STXBP5L: variants seen among roughly 807,000 people sequenced by gnomAD.
The protein encoded by STXBP5L is syntaxin-binding protein 5-like.
A neutral mutation model predicts 144.5 loss-of-function variants in STXBP5L; 65 were observed. That is an observed-to-expected ratio of 0.45 (90% CI 0.37 to 0.55). STXBP5L has a LOEUF of 0.55. STXBP5L is among the 20% of genes least tolerant of loss of function. The probability of loss-of-function intolerance (pLI) is 0.00; values close to 1 mark genes in which losing one functional copy is unlikely to be tolerated. For missense variants in STXBP5L, 1,298 were observed against 1,405.5 expected, an observed-to-expected ratio of 0.92 and a Z score of 1.22; for synonymous variants, 505 against 469.6, an observed-to-expected ratio of 1.08 and a Z score of -0.97.
At chr3:121,412,777 A>C (rs1235330687) in intron 23 of STXBP5L, among the ~76,000 whole-genome samples, 2 of 150,310 alleles carry the variant, frequency 1.3e-5, no homozygotes, top group Non-Finnish European at 3.0e-5. Context: ...AAGAAAGTCT[A>C]GTTTATTACC....
At chr3:120,998,530 CT>C (rs2108022195) in intron 3 of STXBP5L, among the ~76,000 whole-genome samples, 1 of 152,244 alleles carries the variant, frequency 6.6e-6, no homozygotes, top group African/African-American at 2.4e-5. Flanking sequence ...TATCCCTCCC[CT>C]AGCTGACCAT....
intron 2 of STXBP5L, among the ~76,000 whole-genome samples, chr3:120,935,673 A>G (rs1202122077): frequency 6.6e-6 from 1 of 152,058 alleles, no homozygotes; most frequent in African/African-American, 2.4e-5. Flanking sequence ...TTCTTTCAAC[A>G]CTTTAAACAT....
rs574074916 is a variant in STXBP5L at position 121,348,751 on chromosome 3, GT to G, written c.2177-29962del. 1.0e-3 allele frequency among the ~76,000 whole-genome samples: 154 copies of G among 152,198 alleles called. 2 individuals carry two copies. The highest frequency in any genetic ancestry group is 3.6e-3 in the African/African-American group (148 of 41,500). On this transcript the variant is annotated intron_variant, in intron 20 of 26. Transcript: ENST00000471454. ...TTTTGTAGTTTATTTGCTTAGAGGT[GT>G]TTATGGTATTCTCTGATGGTAGTTT...
intron 2 of STXBP5L, among the ~76,000 whole-genome samples, chr3:120,923,604 TCAAGAG>T (rs1434034037): frequency 2.0e-5 from 3 of 152,162 alleles, no homozygotes; most frequent in Non-Finnish European, 4.4e-5. Flanking sequence ...CATTTGTCAT[TCAAGAG>T]CATGTTGTTT....
chr3:121,299,085 C>T (rs1038106943), intron 19 of STXBP5L, among the ~76,000 whole-genome samples: 11 of 152,084 alleles, frequency 7.2e-5, no homozygotes, highest in Non-Finnish European at 1.6e-4. Flanking sequence ...TAAAAATCAA[C>T]ATGGAAGGAT....
rs537076255 is a variant in STXBP5L, at chr3:121,121,144, G to A, written c.606-497G>A. On this transcript the variant is annotated intron_variant, in intron 6 of 26. Transcript: ENST00000471454. ...CAATTTGTTGTTTTTCTGTAAAAGC[G>A]TTATCACTAGAGTAGATTTATTTTT... 5.9e-5 allele frequency among the ~76,000 whole-genome samples: 9 copies of A among 151,286 alleles called. No homozygotes were observed. The East Asian group carries it at 1.5e-3, about 26-fold the overall frequency.
At chr3:121,309,528 CA>C (rs1292591505) in intron 19 of STXBP5L, among the ~76,000 whole-genome samples, 1 of 151,778 alleles carries the variant, frequency 6.6e-6, no homozygotes, top group Non-Finnish European at 1.5e-5. Flanking sequence ...AAGAGAAAGT[CA>C]ATAATAATTG....
intron 20 of STXBP5L, among the ~76,000 whole-genome samples, chr3:121,372,829 AAATT>A (rs2046073082): frequency 6.6e-6 from 1 of 152,116 alleles, no homozygotes; most frequent in Non-Finnish European, 1.5e-5. Flanking sequence ...TGTTGGAAAA[AAATT>A]AATTAGACTA....
At chr3:121,124,085 A>G (rs1240980303) in intron 7 of STXBP5L, among the ~76,000 whole-genome samples, 1 of 151,890 alleles carries the variant, frequency 6.6e-6, no homozygotes, top group Non-Finnish European at 1.5e-5. Flanking sequence ...CATTTATTGT[A>G]TAGTGAATCT....
At chr3:121,246,065 C>A (rs570817495) in intron 14 of STXBP5L, among the ~76,000 whole-genome samples, 191 of 152,264 alleles carry the variant, frequency 1.3e-3, no homozygotes, top group Middle Eastern at 3.4e-3. Context: ...GGCTGCAGAC[C>A]AGTACCAGTC....
At chr3:120,956,540 T>G (rs990800533) in intron 3 of STXBP5L, among the ~76,000 whole-genome samples, 2 of 151,936 alleles carry the variant, frequency 1.3e-5, no homozygotes, top group Non-Finnish European at 2.9e-5. Flanking sequence ...AATATTTCAT[T>G]GTGTGTATAT....
At position 121,109,031 on chromosome 3, in the gene STXBP5L, A is replaced by G. The variant is rs578047444; in HGVS notation, c.471-5894A>G. On this transcript the variant is annotated intron_variant, in intron 5 of 26. Coordinates refer to ENST00000471454, the MANE Select transcript of STXBP5L (RefSeq NM_001308330.2). ...GCAAATAAATTAGTGCAAATAAACT[A>G]ATTTATTTGTTTATAGTATTCTCTG... 2.0e-4 allele frequency among the ~76,000 whole-genome samples: 31 copies of G among 152,076 alleles called. No homozygotes were observed. In the South Asian group the frequency reaches 5.8e-3, roughly 29 times the overall value.
intron 5 of STXBP5L, among the ~76,000 whole-genome samples, chr3:121,057,775 T>C (rs958048392): frequency 1.3e-5 from 2 of 152,034 alleles, no homozygotes; most frequent in Non-Finnish European, 2.9e-5. Flanking sequence ...TTATAACATT[T>C]CTTTAGAAAA....
At chr3:120,959,545 A>C (rs1383590806) in intron 3 of STXBP5L, among the ~76,000 whole-genome samples, 1 of 152,238 alleles carries the variant, frequency 6.6e-6, no homozygotes, top group African/African-American at 2.4e-5. Flanking sequence ...TACTGGTACC[A>C]AAACAGAGAT....
intron 20 of STXBP5L, among the ~76,000 whole-genome samples, chr3:121,347,579 C>T (rs1287389639): frequency 6.6e-6 from 1 of 152,154 alleles, no homozygotes; most frequent in Non-Finnish European, 1.5e-5. Flanking sequence ...ATTGATTCTT[C>T]CTACCCATGA....
At chr3:121,140,618 A>G (rs924849822) in intron 7 of STXBP5L, among the ~76,000 whole-genome samples, 2 of 152,178 alleles carry the variant, frequency 1.3e-5, no homozygotes, top group African/African-American at 4.8e-5. Context: ...ACCTACGTTA[A>G]GGGAAATAAG....
chr3:120,992,761 C>G (rs757152933), intron 3 of STXBP5L, among the ~76,000 whole-genome samples: 2 of 152,024 alleles, frequency 1.3e-5, no homozygotes, highest in Admixed American at 6.6e-5. Flanking sequence ...CTGTAATAAA[C>G]ATGGAACTGC....
At chr3:120,992,336 A>C (rs1367782229) in intron 3 of STXBP5L, among the ~76,000 whole-genome samples, 1 of 152,134 alleles carries the variant, frequency 6.6e-6, no homozygotes, top group Admixed American at 6.6e-5. Flanking sequence ...ATTTTGAAAT[A>C]TAAAACAACA....
chr3:121,387,644 C>G (rs892577686), intron 22 of STXBP5L, among the ~76,000 whole-genome samples: 2 of 152,180 alleles, frequency 1.3e-5, no homozygotes, highest in Non-Finnish European at 2.9e-5. Flanking sequence ...TTTCCCAGAA[C>G]CATTTATTAA....
Sources: allele counts gnomAD v4.1 joint callset (sites outside exome capture counted in the v4.1 genomes callset), GRCh38; gene constraint gnomAD v4.1.1; transcripts MANE v1.5; gene names NCBI Gene and HGNC (gene_info 2026-07-23, HGNC 2026-07-21).